The following VCL variants were observed in gnomAD, a reference collection of about 807,000 sequenced individuals.
VCL encodes the protein vinculin.
In VCL, 47 loss-of-function variants were observed where a neutral mutation model predicts 125.7. That is an observed-to-expected ratio of 0.37 (90% CI 0.30 to 0.48). The LOEUF is 0.48. Ranked by LOEUF, VCL falls within the 20% of genes least tolerant of loss-of-function variation. The pLI is 0.99. For missense variants in VCL, 1,069 were observed against 1,455.5 expected (o/e 0.73, Z 4.32); for synonymous variants, 458 against 514.6 (o/e 0.89, Z 1.49).
In VCL at chr10:74,070,996, T is replaced by G. The variant is rs749922427; in HGVS notation, c.412T>G (p.Cys138Gly). 1 of 1,614,194 alleles carries G rather than the reference T, an allele frequency of 6.2e-7. No homozygotes were observed. The highest frequency in any genetic ancestry group is 2.2e-5 in the East Asian group (1 of 44,880). Residue 138 changes from cysteine (C) to glycine (G), a missense_variant, in exon 4 of 22, where the codon TGC becomes GGC. By Grantham distance (159) the Cys-to-Gly change is radical. Transcript: ENST00000211998. ...TCAGGTCCGTAAAATTATTAGAGTT[T>G]GCAAAGGAATTTTGGAATATCTTAC... ...EAEVRKIIRVCKGILEYLTVA... is the reference protein window; with the variant it reads ...EAEVRKIIRVGKGILEYLTVA...
chr10:74,100,051 C>A lies in VCL; in HGVS notation c.1873-897C>A, dbSNP rs562286897. On this transcript the variant is annotated intron_variant, in intron 13 of 21. Coordinates refer to ENST00000211998, the MANE Select transcript of VCL (RefSeq NM_014000.3). The stretch of plus-strand genomic sequence containing the variant: ...TCCACTAGGCAGCTCCAGACATGTT[C>A]GTGTAGTGTATAAACCTGACCCAGT... Among the ~76,000 whole-genome samples, 3 of 152,296 alleles carry A rather than the reference C, an allele frequency of 2.0e-5. No individual in the cohort carries two copies. In the East Asian group the frequency reaches 5.8e-4, roughly 29 times the overall value.
chr10:74,095,597 T>C, intron 11 of VCL, 59 bp from the exon 12 acceptor site: 1 of 1,606,716 alleles, frequency 6.2e-7, no homozygotes, highest in Non-Finnish European at 8.5e-7. Context: ...CACCACAGAA[T>C]GGCATTGCAA....
In VCL at chr10:74,111,898, C is replaced by G. The variant is rs1840225986; in HGVS notation, c.2746-11C>G. 1 of 1,614,178 alleles carries G rather than the reference C, an allele frequency of 6.2e-7. No homozygotes were observed. On this transcript the variant is annotated splice_polypyrimidine_tract_variant and intron_variant, in intron 18 of 21. Coordinates refer to ENST00000211998, the MANE Select transcript of VCL (RefSeq NM_014000.3). ...TATCCCTATTTCTCATCCTTCCCGCCATCGACAAAGCCGGGCATCCCAGCC... is the reference window on the plus strand; with the variant it reads ...TATCCCTATTTCTCATCCTTCCCGCGATCGACAAAGCCGGGCATCCCAGCC...
intron 8 of VCL, among the ~76,000 whole-genome samples, chr10:74,084,705 T>C (rs888028364): frequency 6.6e-6 from 1 of 152,156 alleles, no homozygotes; most frequent in Non-Finnish European, 1.5e-5. Flanking sequence ...CTTCGCCTCC[T>C]GGGTTCAAGT....
intron 1 of VCL, among the ~76,000 whole-genome samples, chr10:74,001,460 G>A (rs1397208997): frequency 6.6e-6 from 1 of 152,060 alleles, no homozygotes; most frequent in African/African-American, 2.4e-5. Flanking sequence ...TACTGTGCCT[G>A]GTCTGATATT....
chr10:74,053,968 T>G (rs1023376444), intron 2 of VCL, among the ~76,000 whole-genome samples: 46 of 152,274 alleles, frequency 3.0e-4, no homozygotes, highest in African/African-American at 1.1e-3. Flanking sequence ...AAATTCTTTT[T>G]AATATCTTTT....
intron 1 of VCL, among the ~76,000 whole-genome samples, chr10:74,004,793 C>T (rs568367380): frequency 6.6e-6 from 1 of 152,156 alleles, no homozygotes; most frequent in South Asian, 2.1e-4. Flanking sequence ...CAACCTCCGC[C>T]TCCTGGGTTC....
chr10:74,066,050 T>TATATATATATAC (rs1841564091), intron 2 of VCL, among the ~76,000 whole-genome samples: 1 of 141,224 alleles, frequency 7.1e-6, no homozygotes. Flanking sequence ...AATTTTGGTA[T>TATATATATATAC]ATATATATAT....
chr10:74,105,201 A>G lies in VCL; in HGVS notation c.2282A>G (p.Asn761Ser), dbSNP rs1840112313. 6.2e-7 allele frequency: 1 copy of G among 1,614,198 alleles called. No individual in the cohort carries two copies. The highest frequency in any genetic ancestry group is 8.5e-7 in the Non-Finnish European group (1 of 1,180,028). ...AGATSIARRA[N>S]RILLVAKREV... ...GCAACCAGTATTGCTCGTCGGGCCA[A>G]CCGGATCCTGCTGGTGGCTAAGAGG... Residue 761 changes from asparagine (N) to serine (S), a missense_variant, in exon 16 of 22, where the codon AAC becomes AGC. Physicochemically the swap from Asn to Ser is conservative, Grantham distance 46. Around this residue, in one of 6 missense-constraint regions of VCL, gnomAD observed 760 missense variants for 928.9 expected, o/e 0.82. Transcript: ENST00000211998.
At chr10:74,074,054 C>G (rs944949108) in intron 5 of VCL, among the ~76,000 whole-genome samples, 1 of 141,808 alleles carries the variant, frequency 7.1e-6, no homozygotes, top group African/African-American at 3.1e-5. Context: ...ATGGCAAAAC[C>G]CCGTCTCTAC....
chr10:74,114,438 C>G (rs112643076), intron 20 of VCL, 51 bp downstream of exon 20: 1 of 1,078,570 alleles, frequency 9.3e-7, no homozygotes, highest in African/African-American at 2.3e-5. Flanking sequence ...TGTGTGTGTG[C>G]GTGTGTGTGT....
chr10:74,092,038 A>G (rs2131911618), intron 10 of VCL, among the ~76,000 whole-genome samples: 1 of 151,894 alleles, frequency 6.6e-6, no homozygotes, highest in Non-Finnish European at 1.5e-5. Context: ...CCTCCCGAGT[A>G]GCTGGGACTA....
In VCL at chr10:74,079,870, A is replaced by T. The variant is rs190071038; in HGVS notation, c.784-2584A>T. Among the ~76,000 whole-genome samples, 44 of 152,284 alleles carry T rather than the reference A, an allele frequency of 2.9e-4. 1 individual carries two copies. Among genetic ancestry groups the T allele is most frequent in the African/African-American group, 1.1e-3 (44 of 41,570 alleles). ...TTGTCTAAAATTAATGCTGTTAAAA[A>T]TTTTGGTAACTTATTGAAAGTCGCA... is the stretch of plus-strand genomic sequence containing the variant. On this transcript the variant is annotated intron_variant, in intron 6 of 21. Transcript: ENST00000211998.
At chr10:74,082,570 A>G (rs1387169847) in intron 7 of VCL, 26 bp downstream of exon 7, 3 of 1,610,110 alleles carry the variant, frequency 1.9e-6, no homozygotes, top group South Asian at 2.2e-5. Flanking sequence ...TGCTTTTCTG[A>G]TCAATACAAC....
intron 1 of VCL, among the ~76,000 whole-genome samples, chr10:74,027,181 C>T (rs12243415): frequency 6.6e-6 from 1 of 152,224 alleles, no homozygotes; most frequent in African/African-American, 2.4e-5. Context: ...TGGTGGGGCT[C>T]TGGGATACTT....
At chr10:74,053,964 T>A (rs1416253785) in intron 2 of VCL, among the ~76,000 whole-genome samples, 1 of 152,168 alleles carries the variant, frequency 6.6e-6, no homozygotes. Flanking sequence ...TTCAAAATTC[T>A]TTTTAATATC....
At position 74,109,040 on chromosome 10, in the gene VCL, C is replaced by T. The variant is rs1355563523; in HGVS notation, c.2629C>T (p.Pro877Ser). The T allele has an allele frequency of 6.2e-7, 1 of 1,614,052 alleles. No homozygotes were observed. The highest frequency in any genetic ancestry group is 8.5e-7 in the Non-Finnish European group (1 of 1,180,036). ...EGEVPPPRPP[P>S]PEEKDEEFPE... is the part of the protein sequence containing the mutation. ...TGAGGTCCCTCCACCTAGGCCTCCACCACCAGAGGAAAAGGATGAAGAGTT... is the reference window on the plus strand; with the variant it reads ...TGAGGTCCCTCCACCTAGGCCTCCATCACCAGAGGAAAAGGATGAAGAGTT... The change falls in exon 18 of 22, where the codon CCA (proline) becomes TCA (serine). Residue 877 changes from proline (P) to serine (S), a missense_variant. Coordinates refer to ENST00000211998, the MANE Select transcript of VCL (RefSeq NM_014000.3).
At position 74,062,839 on chromosome 10, in the gene VCL, G is replaced by C. The variant is rs181276791; in HGVS notation, c.240-7831G>C. ...TCCCAACACTTTGGGAGGCTGAGGC[G>C]GGTGGATCACTTGAGGCCAGGAGTT... On this transcript the variant is annotated intron_variant, in intron 2 of 21. Coordinates refer to ENST00000211998, the MANE Select transcript of VCL (RefSeq NM_014000.3). 4.3e-3 allele frequency among the ~76,000 whole-genome samples: 660 copies of C among 152,118 alleles called. 6 individuals carry two copies. The highest frequency in any genetic ancestry group is 6.4e-3 in the Non-Finnish European group (435 of 67,988).
chr10:74,083,353 C>T lies in VCL; in HGVS notation c.875-13C>T, dbSNP rs2136280843. 1 of 1,613,688 alleles carries T rather than the reference C, an allele frequency of 6.2e-7. No homozygotes were observed. ...TGTCAACAATGTAGTTATTGAATAT[C>T]TCTTTATTTTAGGGGATGCTGGTGA... On this transcript the variant is annotated splice_polypyrimidine_tract_variant and intron_variant, in intron 7 of 21. Transcript: ENST00000211998.
Sources: gnomAD v4.1 joint callset for allele counts (sites outside exome capture counted in the v4.1 genomes callset) on GRCh38, gnomAD v4.1.1 for gene constraint, gnomAD v4.1.1 regional missense constraint, MANE v1.5 for transcripts, NCBI Gene and HGNC (gene_info 2026-07-23, HGNC 2026-07-21) for gene names.